LEPR: variants seen among roughly 807,000 people sequenced by gnomAD.
The protein encoded by LEPR is OB receptor.
A neutral mutation model predicts 114.7 loss-of-function variants in LEPR; 56 were observed. The observed-to-expected ratio is 0.49, with a 90% CI of 0.39 to 0.61. The LOEUF (loss-of-function observed/expected upper bound fraction) is 0.61, where lower values mean the gene tolerates loss of function less well. Among genes scored for constraint, LEPR ranks in the 20% least tolerant of loss-of-function variants. The pLI, the probability that LEPR is intolerant of heterozygous loss-of-function variation, is 0.00. For missense variants in LEPR, 1,202 were observed against 1,352.9 expected, an observed-to-expected ratio of 0.89 and a Z score of 1.75; for synonymous variants, 443 against 461.4, an observed-to-expected ratio of 0.96 and a Z score of 0.51.
chr1:65,420,745 A>G lies in LEPR; in HGVS notation c.-97+5A>G. ...GAGACATGGCGGGCGTTAAAGGTAC[A>G]TCGCGGTCCCCGGCTCGCTTGTCGT... is the stretch of plus-strand genomic sequence containing the variant. On this transcript the variant is annotated splice_donor_5th_base_variant and intron_variant, in intron 1 of 19. Transcript: ENST00000349533. The G allele has an allele frequency of 6.3e-7, 1 of 1,581,432 alleles. No individual in the cohort carries two copies. Among genetic ancestry groups the G allele is most frequent in the South Asian group, 1.2e-5 (1 of 86,386 alleles).
intron 2 of LEPR, chr1:65,433,050 C>T (rs746111656): frequency 1.0e-4 from 101 of 985,226 alleles, no homozygotes; most frequent in Non-Finnish European, 9.3e-5. Context: ...CACTGAGATG[C>T]GGGCAGGGAG....
rs1006838911 is a variant in LEPR, at chr1:65,584,314, G to A, written c.495-8343G>A. 9.9e-5 allele frequency among the ~76,000 whole-genome samples: 15 copies of A among 152,112 alleles called. No homozygotes were observed. The South Asian group carries it at 2.7e-3, about 27-fold the overall frequency. On this transcript the variant is annotated intron_variant, in intron 5 of 19. Coordinates refer to ENST00000349533, the MANE Select transcript of LEPR (RefSeq NM_002303.6). ...ACCAGTGTCTGGAGGATAGTTGTTCGTTGTTATTGTTTCTAGCCCTCTCTG... is the reference window on the plus strand; with the variant it reads ...ACCAGTGTCTGGAGGATAGTTGTTCATTGTTATTGTTTCTAGCCCTCTCTG...
intron 2 of LEPR, among the ~76,000 whole-genome samples, chr1:65,466,981 G>A (rs961384202): frequency 4.6e-5 from 7 of 152,078 alleles, no homozygotes; most frequent in Non-Finnish European, 7.4e-5. Flanking sequence ...AGAACATGCT[G>A]CTTTAGCTCG....
chr1:65,626,325 G>T (rs888736160), intron 19 of LEPR: 3 of 1,326,534 alleles, frequency 2.3e-6, no homozygotes, highest in Non-Finnish European at 2.9e-6. Flanking sequence ...GAAATGTGAA[G>T]AATTTTTATA....
At chr1:65,604,949 C>T in intron 10 of LEPR, 89 bp from the exon 11 acceptor site, 1 of 1,527,248 alleles carries the variant, frequency 6.5e-7, no homozygotes, top group Non-Finnish European at 8.9e-7. Context: ...TTGGGGACTG[C>T]TGTTTTAAAC....
At chr1:65,550,972 A>G (rs1206677021) in intron 2 of LEPR, among the ~76,000 whole-genome samples, 2 of 151,532 alleles carry the variant, frequency 1.3e-5, no homozygotes, top group African/African-American at 2.4e-5. Context: ...TCCTCCCCCC[A>G]TCATGTGGTT....
intron 2 of LEPR, among the ~76,000 whole-genome samples, chr1:65,514,446 G>C (rs1028244603): frequency 2.6e-4 from 39 of 152,300 alleles, no homozygotes; most frequent in Admixed American, 2.2e-3. Flanking sequence ...TTTTCAAATA[G>C]CTGTTTTCCT....
intron 2 of LEPR, among the ~76,000 whole-genome samples, chr1:65,495,333 A>C (rs758567817): frequency 1.3e-5 from 2 of 152,236 alleles, no homozygotes; most frequent in African/African-American, 2.4e-5. Context: ...AATGCAAATC[A>C]AAACCATGAT....
chr1:65,615,105 C>CG (rs1657446755), intron 14 of LEPR, among the ~76,000 whole-genome samples: 1 of 151,936 alleles, frequency 6.6e-6, no homozygotes, highest in Non-Finnish European at 1.5e-5. Context: ...ATCTTACTTT[C>CG]AACCTATCCA....
intron 4 of LEPR, among the ~76,000 whole-genome samples, chr1:65,571,971 C>CAAAAA (rs72311704): frequency 0.28 from 16,754 of 60,182 alleles, 2,825 homozygotes; most frequent in East Asian, 0.74. Flanking sequence ...CACCCCATCT[C>CAAAAA]AAAAAAAAAA....
At chr1:65,530,577 G>A (rs976763709) in intron 2 of LEPR, among the ~76,000 whole-genome samples, 1 of 152,162 alleles carries the variant, frequency 6.6e-6, no homozygotes, top group East Asian at 1.9e-4. Flanking sequence ...GTAACTTCCT[G>A]ACATTGCCAT....
chr1:65,567,962 A>G (rs1653892413), intron 3 of LEPR, among the ~76,000 whole-genome samples: 1 of 151,982 alleles, frequency 6.6e-6, no homozygotes, highest in Non-Finnish European at 1.5e-5. Context: ...TTGGTGTTGT[A>G]TATTGTATGA....
intron 2 of LEPR, among the ~76,000 whole-genome samples, chr1:65,480,828 T>C (rs1052682770): frequency 1.3e-5 from 2 of 151,892 alleles, no homozygotes; most frequent in African/African-American, 2.4e-5. Context: ...GAAAAATCTC[T>C]AGCAAGGTTA....
At chr1:65,452,797 A>T (rs888990140) in intron 2 of LEPR, among the ~76,000 whole-genome samples, 1 of 152,122 alleles carries the variant, frequency 6.6e-6, no homozygotes, top group Non-Finnish European at 1.5e-5. Flanking sequence ...GCCTCATAAA[A>T]TGAGTTAGGG....
chr1:65,616,283 C>G, intron 15 of LEPR, 59 bp downstream of exon 15: 1 of 1,535,176 alleles, frequency 6.5e-7, no homozygotes, highest in Admixed American at 1.8e-5. Context: ...CTTTTGCAAA[C>G]TCTCCTATTT....
chr1:65,549,543 CT>C (rs1259067583), intron 2 of LEPR, among the ~76,000 whole-genome samples: 2 of 152,106 alleles, frequency 1.3e-5, no homozygotes, highest in Non-Finnish European at 2.9e-5. Context: ...AACTTCCCTT[CT>C]CGCTTCATTT....
chr1:65,612,837 A>G (rs1384742254), intron 14 of LEPR, among the ~76,000 whole-genome samples: 1 of 152,216 alleles, frequency 6.6e-6, no homozygotes, highest in African/African-American at 2.4e-5. Flanking sequence ...ATTCCATCAC[A>G]TCATATTAAG....
chr1:65,512,089 G>A (rs1371802489), intron 2 of LEPR, among the ~76,000 whole-genome samples: 1 of 152,032 alleles, frequency 6.6e-6, no homozygotes, highest in African/African-American at 2.4e-5. Context: ...GAGGGTGAAG[G>A]GGGAGATGCT....
intron 17 of LEPR, 68 bp downstream of exon 17, chr1:65,620,091 C>G (rs1489297179): frequency 2.6e-6 from 3 of 1,172,732 alleles, no homozygotes; most frequent in African/African-American, 3.0e-5. Flanking sequence ...AGTAATATTG[C>G]CATCTGATTA....
Sources: gnomAD v4.1 joint callset for allele counts (sites outside exome capture counted in the v4.1 genomes callset) on GRCh38, gnomAD v4.1.1 for gene constraint, MANE v1.5 for transcripts, NCBI Gene and HGNC (gene_info 2026-07-23, HGNC 2026-07-21) for gene names.